Variants in DCC observed in about 807,000 individuals in gnomAD.
The protein encoded by DCC is DCC netrin 1 receptor.
A neutral mutation model predicts 172.5 loss-of-function variants in DCC; 58 were observed. The observed-to-expected ratio is 0.34, with a 90% CI of 0.27 to 0.42. The LOEUF is 0.42. DCC is among the 10% of genes least tolerant of loss of function. The pLI, the probability that DCC is intolerant of heterozygous loss-of-function variation, is 1.00. For synonymous variants in DCC, 709 were observed against 644.5 expected (o/e 1.10, Z -1.52); for missense variants, 1,740 against 1,791.0 (o/e 0.97, Z 0.51).
chr18:52,921,850 G>A (rs895500338), intron 3 of DCC, among the ~76,000 whole-genome samples: 1 of 151,696 alleles, frequency 6.6e-6, no homozygotes, highest in Non-Finnish European at 1.5e-5. Flanking sequence ...GTTTTTCACA[G>A]GGGATATTGT....
intron 7 of DCC, among the ~76,000 whole-genome samples, chr18:53,136,544 T>C (rs1201960932): frequency 1.3e-5 from 2 of 152,004 alleles, no homozygotes; most frequent in East Asian, 1.9e-4. Context: ...TCTACTTATA[T>C]AAAATTCTAG....
intron 1 of DCC, among the ~76,000 whole-genome samples, chr18:52,428,708 A>G (rs369949608): frequency 1.1e-4 from 17 of 152,174 alleles, no homozygotes; most frequent in East Asian, 5.8e-4. Flanking sequence ...AAGCCATGGA[A>G]ATTTATTATA....
chr18:53,240,206 G>A (rs973838576), intron 12 of DCC, among the ~76,000 whole-genome samples: 1 of 151,950 alleles, frequency 6.6e-6, no homozygotes, highest in East Asian at 1.9e-4. Flanking sequence ...GTTTTTAAAA[G>A]GGGAAGAAAA....
chr18:52,559,492 C>A (rs1042690629), intron 1 of DCC, among the ~76,000 whole-genome samples: 4 of 152,058 alleles, frequency 2.6e-5, no homozygotes, highest in African/African-American at 9.7e-5. Flanking sequence ...CTTTTTCATG[C>A]CATAAAGGAT....
intron 1 of DCC, among the ~76,000 whole-genome samples, chr18:52,730,699 C>T (rs1458127388): frequency 6.6e-6 from 1 of 152,070 alleles, no homozygotes; most frequent in Admixed American, 6.6e-5. Context: ...AGCAGATGAA[C>T]ATTTATATGT....
intron 12 of DCC, among the ~76,000 whole-genome samples, chr18:53,226,939 T>TAC (rs1246994206): frequency 2.2e-5 from 2 of 91,738 alleles, no homozygotes; most frequent in Non-Finnish European, 4.5e-5. Context: ...TGTGTGTATA[T>TAC]ATATATATAT....
intron 1 of DCC, among the ~76,000 whole-genome samples, chr18:52,484,427 A>G (rs970287092): frequency 6.6e-6 from 1 of 152,084 alleles, no homozygotes; most frequent in Non-Finnish European, 1.5e-5. Flanking sequence ...GAGGAACTCT[A>G]TCATTCTTAT....
intron 1 of DCC, among the ~76,000 whole-genome samples, chr18:52,443,146 G>A (rs1988020722): frequency 6.6e-6 from 1 of 152,028 alleles, no homozygotes; most frequent in African/African-American, 2.4e-5. Flanking sequence ...AACACCACTG[G>A]TCACTATAAA....
intron 2 of DCC, among the ~76,000 whole-genome samples, chr18:52,760,778 A>G (rs1245595307): frequency 6.6e-6 from 1 of 152,194 alleles, no homozygotes; most frequent in East Asian, 1.9e-4. Flanking sequence ...GCTTTTCTAC[A>G]AAGTAAAGAG....
chr18:53,454,200 C>T (rs1450398398), intron 23 of DCC, among the ~76,000 whole-genome samples: 1 of 152,076 alleles, frequency 6.6e-6, no homozygotes, highest in African/African-American at 2.4e-5. Context: ...TTTAAATCAG[C>T]CAGATATGGT....
At position 52,944,418 on chromosome 18, in the gene DCC, G is replaced by A. The variant is rs1943133; in HGVS notation, c.985+19048G>A. ...ACCGTTTCTGCATCCAAAACTAGCTGTGCAATTGCTGCAAATAAAATCTGA... is the reference window on the plus strand; with the variant it reads ...ACCGTTTCTGCATCCAAAACTAGCTATGCAATTGCTGCAAATAAAATCTGA... On this transcript the variant is annotated intron_variant, in intron 5 of 28. Transcript: ENST00000442544. Among the ~76,000 whole-genome samples, 738 of 152,280 alleles carry A rather than the reference G, an allele frequency of 4.8e-3. 6 individuals are homozygous for A. The highest frequency in any genetic ancestry group is 0.017 in the African/African-American group (707 of 41,550).
Position 52,632,263 on chromosome 18 carries a change from G to A in DCC, c.92-119791G>A, listed in dbSNP as rs1324748492. Among the ~76,000 whole-genome samples, 7 of 151,892 alleles carry A rather than the reference G, an allele frequency of 4.6e-5. No individual in the cohort carries two copies. In the South Asian group the frequency reaches 1.0e-3, roughly 23 times the overall value. The stretch of plus-strand genomic sequence containing the variant: ...TCATTCCTATTTCTTCAACTACAGC[G>A]TAAGTTCCAAGGAAATAGGGACTAT... On this transcript the variant is annotated intron_variant, in intron 1 of 28. Coordinates refer to ENST00000442544, the MANE Select transcript of DCC (RefSeq NM_005215.4).
intron 27 of DCC, among the ~76,000 whole-genome samples, chr18:53,503,367 GTTTCTTACAA>G (rs1440463460): frequency 1.3e-5 from 2 of 152,046 alleles, no homozygotes; most frequent in Non-Finnish European, 2.9e-5. Flanking sequence ...TATTTATGGT[GTTTCTTACAA>G]TTTCATCATC....
At chr18:52,993,768 A>G (rs779691377) in intron 5 of DCC, among the ~76,000 whole-genome samples, 1 of 152,082 alleles carries the variant, frequency 6.6e-6, no homozygotes, top group Non-Finnish European at 1.5e-5. Context: ...CTTTGCGGGA[A>G]TAAGTAACTA....
chr18:53,530,493 G>A (rs2060313586), intron 28 of DCC, 71 bp from the exon 29 acceptor site: 2 of 882,920 alleles, frequency 2.3e-6, no homozygotes, highest in Non-Finnish European at 3.9e-6. Flanking sequence ...CCAACTAGCT[G>A]TGGCCCCGGC....
At position 53,467,009 on chromosome 18, in the gene DCC, T is replaced by C. The variant is rs528671958; in HGVS notation, c.3620-885T>C. Among the ~76,000 whole-genome samples, 4 of 152,154 alleles carry C rather than the reference T, an allele frequency of 2.6e-5. No individual in the cohort carries two copies. In the East Asian group the frequency reaches 5.8e-4, roughly 22 times the overall value. The stretch of plus-strand genomic sequence containing the variant: ...AAAAATGCATGCATATGATAAAAAA[T>C]AAAAAGAATAAAAAAGTTTCAAAAA... On this transcript the variant is annotated intron_variant, in intron 24 of 28. Coordinates refer to ENST00000442544, the MANE Select transcript of DCC (RefSeq NM_005215.4).
intron 2 of DCC, among the ~76,000 whole-genome samples, chr18:52,801,562 A>G (rs1324854410): frequency 6.6e-6 from 1 of 152,222 alleles, no homozygotes; most frequent in African/African-American, 2.4e-5. Context: ...ATAATAATTA[A>G]AAGTCTATCT....
intron 12 of DCC, among the ~76,000 whole-genome samples, chr18:53,236,062 G>A (rs2056198586): frequency 6.6e-6 from 1 of 152,066 alleles, no homozygotes; most frequent in African/African-American, 2.4e-5. Flanking sequence ...TGTTGGAAAA[G>A]GCTTTACTGG....
chr18:52,619,994 T>A (rs1487755110), intron 1 of DCC, among the ~76,000 whole-genome samples: 1 of 152,184 alleles, frequency 6.6e-6, no homozygotes, highest in African/African-American at 2.4e-5. Context: ...GATTAAATTG[T>A]CACTACCCAC....
Sources: allele counts gnomAD v4.1 joint callset (sites outside exome capture counted in the v4.1 genomes callset), GRCh38; gene constraint gnomAD v4.1.1; transcripts MANE v1.5; gene names NCBI Gene and HGNC (gene_info 2026-07-23, HGNC 2026-07-21).